Variants in PTPRO observed in about 807,000 individuals in gnomAD.
The protein encoded by PTPRO is protein tyrosine phosphatase receptor type O, also known as receptor-type tyrosine-protein phosphatase O.
In PTPRO, 62 loss-of-function variants were observed where a neutral mutation model predicts 145.2. The observed-to-expected ratio is 0.43, with a 90% CI of 0.35 to 0.53. The LOEUF (loss-of-function observed/expected upper bound fraction) is 0.53, where lower values mean the gene tolerates loss of function less well. PTPRO is among the 20% of genes least tolerant of loss of function. PTPRO has a pLI of 0.01. For synonymous variants in PTPRO, 565 were observed against 514.7 expected (o/e 1.10, Z -1.32); for missense variants, 1,345 against 1,482.7 (o/e 0.91, Z 1.53).
At chr12:15,324,431 C>T (rs557492531) in intron 1 of PTPRO, among the ~76,000 whole-genome samples, 5 of 152,036 alleles carry the variant, frequency 3.3e-5, no homozygotes, top group African/African-American at 7.2e-5. Flanking sequence ...ACTTAAAACT[C>T]GATATTGGAA....
intron 1 of PTPRO, chr12:15,440,241 C>T (rs1270914237): frequency 3.1e-6 from 2 of 635,134 alleles, no homozygotes; most frequent in Non-Finnish European, 5.6e-6. Flanking sequence ...TCCAAGGCCA[C>T]CTTTGATGCC....
chr12:15,402,778 A>T (rs1170684447), intron 1 of PTPRO, among the ~76,000 whole-genome samples: 1 of 152,180 alleles, frequency 6.6e-6, no homozygotes, highest in African/African-American at 2.4e-5. Flanking sequence ...AATATAGTAG[A>T]GAATAATAAG....
chr12:15,503,292 A>G (rs1292992190), intron 5 of PTPRO, among the ~76,000 whole-genome samples: 1 of 152,148 alleles, frequency 6.6e-6, no homozygotes, highest in East Asian at 1.9e-4. Flanking sequence ...TAATGACTTC[A>G]AATGAAGTAA....
chr12:15,425,486 T>A (rs1356997654), intron 1 of PTPRO, among the ~76,000 whole-genome samples: 1 of 152,156 alleles, frequency 6.6e-6, no homozygotes, highest in African/African-American at 2.4e-5. Context: ...TGTCTTCTGT[T>A]CCTTTATGAT....
chr12:15,458,471 A>G (rs529797686), intron 1 of PTPRO, among the ~76,000 whole-genome samples: 145 of 152,100 alleles, frequency 9.5e-4, no homozygotes, highest in African/African-American at 3.2e-3. Context: ...CCCATAATGC[A>G]TATATAGGCC....
chr12:15,332,718 T>C (rs1382801), intron 1 of PTPRO, among the ~76,000 whole-genome samples: 25 of 152,356 alleles, frequency 1.6e-4, no homozygotes, highest in Non-Finnish European at 2.9e-4. Context: ...AATGGTGACA[T>C]TACCAACAGC....
At chr12:15,501,421 A>C (rs536154987) in intron 4 of PTPRO, among the ~76,000 whole-genome samples, 199 bp from the exon 5 acceptor site, 1 of 152,222 alleles carries the variant, frequency 6.6e-6, no homozygotes, top group Non-Finnish European at 1.5e-5. Context: ...GTTGATAGGT[A>C]TACATCATCC....
chr12:15,506,566 C>A (rs10846185), intron 6 of PTPRO, among the ~76,000 whole-genome samples: 34,074 of 152,010 alleles, frequency 0.22, 3,900 homozygotes, highest in East Asian at 0.34. Context: ...GAAGCAAGCA[C>A]CTTATTCAGA....
At chr12:15,365,950 T>G (rs7298556) in intron 1 of PTPRO, among the ~76,000 whole-genome samples, 25,477 of 151,972 alleles carry the variant, frequency 0.17, 5,046 homozygotes, top group African/African-American at 0.48. Context: ...AGCAAACATA[T>G]TTTCTGCCTT....
intron 1 of PTPRO, among the ~76,000 whole-genome samples, chr12:15,359,127 C>T (rs1325746537): frequency 6.6e-6 from 1 of 152,140 alleles, no homozygotes; most frequent in Non-Finnish European, 1.5e-5. Context: ...TCAAGATCAC[C>T]TTGTATTTTC....
intron 8 of PTPRO, among the ~76,000 whole-genome samples, chr12:15,516,382 CGAAA>C (rs939857700): frequency 2.1e-5 from 2 of 97,116 alleles, no homozygotes; most frequent in Non-Finnish European, 4.2e-5. Flanking sequence ...AAAGAACGAA[CGAAA>C]GAGAGAGAGA....
chr12:15,508,851 A>C (rs1942377021), intron 7 of PTPRO, 84 bp downstream of exon 7: 1 of 1,414,152 alleles, frequency 7.1e-7, no homozygotes, highest in South Asian at 1.2e-5. Flanking sequence ...CAATTGTAGG[A>C]AGCCAGGCTG....
At chr12:15,408,847 T>A (rs1939717806) in intron 1 of PTPRO, among the ~76,000 whole-genome samples, 1 of 152,204 alleles carries the variant, frequency 6.6e-6, no homozygotes, top group Admixed American at 6.5e-5. Context: ...AGCCTCGGTA[T>A]CTTTAACCGT....
At chr12:15,353,796 A>G (rs1937890809) in intron 1 of PTPRO, among the ~76,000 whole-genome samples, 1 of 152,090 alleles carries the variant, frequency 6.6e-6, no homozygotes, top group African/African-American at 2.4e-5. Context: ...TTTTGCTTTG[A>G]TTGTACCATT....
chr12:15,539,305 A>C (rs1406249162), intron 12 of PTPRO, among the ~76,000 whole-genome samples: 1 of 152,226 alleles, frequency 6.6e-6, no homozygotes, highest in Non-Finnish European at 1.5e-5. Flanking sequence ...CCATAAACAT[A>C]TGCAAATTTT....
intron 7 of PTPRO, among the ~76,000 whole-genome samples, chr12:15,509,294 G>GT (rs1382940025): frequency 6.6e-6 from 1 of 151,176 alleles, no homozygotes; most frequent in Admixed American, 6.6e-5. Context: ...GGGTTGGAGG[G>GT]TTTTTTGTTT....
chr12:15,444,301 A>G (rs1940846122), intron 1 of PTPRO, among the ~76,000 whole-genome samples: 1 of 152,072 alleles, frequency 6.6e-6, no homozygotes, highest in Non-Finnish European at 1.5e-5. Flanking sequence ...CACGGACATA[A>G]AGATGGCAAC....
At chr12:15,441,244 C>A (rs1158737452) in intron 1 of PTPRO, among the ~76,000 whole-genome samples, 1 of 151,436 alleles carries the variant, frequency 6.6e-6, no homozygotes, top group African/African-American at 2.5e-5. Flanking sequence ...ATAATTTGAT[C>A]CTGAATGACT....
chr12:15,543,465 A>G (rs550611151), intron 12 of PTPRO, among the ~76,000 whole-genome samples: 1 of 152,314 alleles, frequency 6.6e-6, no homozygotes, highest in South Asian at 2.1e-4. Flanking sequence ...GAAATTGGAT[A>G]ATTTTACCTA....
Sources: gnomAD v4.1 joint callset for allele counts (sites outside exome capture counted in the v4.1 genomes callset) on GRCh38, gnomAD v4.1.1 for gene constraint, MANE v1.5 for transcripts, NCBI Gene and HGNC (gene_info 2026-07-23, HGNC 2026-07-21) for gene names.